Variants in CCNY observed in about 807,000 individuals in gnomAD.
CCNY encodes cyclin-Y.
Under a neutral mutation model 42.8 loss-of-function variants are expected in CCNY, and 19 were observed. The observed-to-expected ratio is 0.44, with a 90% CI of 0.31 to 0.65. The LOEUF is 0.65. CCNY is among the 30% of genes least tolerant of loss of function. The pLI is 0.07. For synonymous variants in CCNY, 165 were observed against 162.7 expected (o/e 1.01, Z -0.11); for missense variants, 370 against 437.3 (o/e 0.85, Z 1.37).
At chr10:35,381,098 T>C (rs1837173531) in intron 1 of CCNY, among the ~76,000 whole-genome samples, 1 of 152,204 alleles carries the variant, frequency 6.6e-6, no homozygotes, top group South Asian at 2.1e-4. Flanking sequence ...CATCCAGAAG[T>C]CTGCCTGTAA....
At chr10:35,442,800 T>G (rs932229643) in intron 1 of CCNY, among the ~76,000 whole-genome samples, 1 of 152,208 alleles carries the variant, frequency 6.6e-6, no homozygotes, top group African/African-American at 2.4e-5. Flanking sequence ...ATGAAGGTGG[T>G]ATGTTCTAAG....
At chr10:35,333,892 G>T (rs1201087304), upstream of CCNY, among the ~76,000 whole-genome samples, 1 of 152,088 alleles carries the variant, frequency 6.6e-6, no homozygotes, top group Non-Finnish European at 1.5e-5. Flanking sequence ...AGTTGTGGGG[G>T]TCGGCACCCA....
At chr10:35,506,709 A>G (rs1428398194) in intron 3 of CCNY, among the ~76,000 whole-genome samples, 1 of 152,108 alleles carries the variant, frequency 6.6e-6, no homozygotes, top group African/African-American at 2.4e-5. Flanking sequence ...TTTGAAAGCT[A>G]CATTGTCCTT....
At chr10:35,377,737 AAAT>A in intron 1 of CCNY, among the ~76,000 whole-genome samples, 1 of 152,370 alleles carries the variant, frequency 6.6e-6, no homozygotes, top group South Asian at 2.1e-4. Flanking sequence ...CTAATTTAAA[AAAT>A]AACATTATAA....
At chr10:35,557,995 A>G (rs1277188955) in intron 8 of CCNY, among the ~76,000 whole-genome samples, 1 of 152,114 alleles carries the variant, frequency 6.6e-6, no homozygotes, top group African/African-American at 2.4e-5. Context: ...GTTTTATTAT[A>G]GTAGTGTCAC....
chr10:35,401,481 C>G (rs1207799223), intron 1 of CCNY, among the ~76,000 whole-genome samples: 2 of 151,616 alleles, frequency 1.3e-5, no homozygotes, highest in Admixed American at 1.3e-4. Flanking sequence ...GGAGAGAGAT[C>G]AATTCTAAAT....
At chr10:35,535,865 A>G (rs1304108662) in intron 7 of CCNY, among the ~76,000 whole-genome samples, 1 of 152,166 alleles carries the variant, frequency 6.6e-6, no homozygotes, top group Non-Finnish European at 1.5e-5. Flanking sequence ...ACATTTTAGT[A>G]TCTGCAGGGG....
At chr10:35,476,143 G>T (rs575262757) in intron 1 of CCNY, among the ~76,000 whole-genome samples, 3 of 152,096 alleles carry the variant, frequency 2.0e-5, no homozygotes, top group Admixed American at 2.0e-4. Flanking sequence ...AGCAAGTCCT[G>T]AGTGACCTAC....
intron 1 of CCNY, among the ~76,000 whole-genome samples, chr10:35,468,042 ATAT>A (rs1256397923): frequency 6.6e-6 from 1 of 152,214 alleles, no homozygotes; most frequent in African/African-American, 2.4e-5. Context: ...CTATAACAAA[ATAT>A]TATAGACTGA....
intron 1 of CCNY, among the ~76,000 whole-genome samples, chr10:35,447,149 C>A (rs868112736): frequency 6.6e-6 from 1 of 152,104 alleles, no homozygotes; most frequent in African/African-American, 2.4e-5. Flanking sequence ...TGGTGGCGGG[C>A]GCCTGTAGTC....
intron 7 of CCNY, among the ~76,000 whole-genome samples, chr10:35,547,336 A>G (rs1841137445): frequency 6.6e-6 from 1 of 152,166 alleles, no homozygotes. Flanking sequence ...TCTTTTTTCC[A>G]CCAACAGTTG....
At chr10:35,414,785 CTT>C (rs1837989949) in intron 1 of CCNY, among the ~76,000 whole-genome samples, 1 of 152,182 alleles carries the variant, frequency 6.6e-6, no homozygotes, top group East Asian at 1.9e-4. Flanking sequence ...GTGAACTGGT[CTT>C]TGAAGTGGTA....
At chr10:35,279,014 T>TG (rs1286020665) in intron 3 of CCNY, among the ~76,000 whole-genome samples, 1 of 151,816 alleles carries the variant, frequency 6.6e-6, no homozygotes, top group Non-Finnish European at 1.5e-5. Context: ...CACCCTCTGT[T>TG]GGGGGCTCAG....
At chr10:35,303,953 C>T (rs567735485) in intron 3 of CCNY, among the ~76,000 whole-genome samples, 1 of 152,200 alleles carries the variant, frequency 6.6e-6, no homozygotes, top group South Asian at 2.1e-4. Flanking sequence ...ACACTAAGAT[C>T]CACCACTCTT....
intron 3 of CCNY, among the ~76,000 whole-genome samples, chr10:35,277,730 T>A (rs1835255157): frequency 6.6e-6 from 1 of 152,124 alleles, no homozygotes; most frequent in Non-Finnish European, 1.5e-5. Flanking sequence ...AATTCTTTTT[T>A]TTTTTTCCAA....
chr10:35,534,954 TAC>T lies in CCNY; in HGVS notation c.579+4731_579+4732del, dbSNP rs58564724. Among the ~76,000 whole-genome samples the T allele has an allele frequency of 4.3e-3, 599 of 139,228 alleles. 5 individuals carry two copies. The highest frequency in any genetic ancestry group is 0.013 in the African/African-American group (488 of 37,156). 91.3% of individuals were successfully genotyped at this position (139,228 alleles called of 152,430 possible). ...TAATATTCCATTGAGTGGGGATACA[TAC>T]ACACACACACACACACACATATATA... On this transcript the variant is annotated intron_variant, in intron 7 of 9. Transcript: ENST00000374704.
rs549121919 is a variant in CCNY at position 35,343,029 on chromosome 10, G to A, written c.154+5822G>A. On this transcript the variant is annotated intron_variant, in intron 1 of 9. Coordinates refer to ENST00000374704, the MANE Select transcript of CCNY (RefSeq NM_145012.6). Reference sequence around the variant, plus strand: ...TTTTTTTTTTTTTTTTTAAGACAGGGTTTTACTCTCTCGCCCTGGCTGGAG... The same window carrying A: ...TTTTTTTTTTTTTTTTTAAGACAGGATTTTACTCTCTCGCCCTGGCTGGAG... 2.8e-5 allele frequency among the ~76,000 whole-genome samples: 4 copies of A among 144,322 alleles called. No individual in the cohort carries two copies. In the South Asian group the frequency reaches 6.6e-4, roughly 24 times the overall value. The allele number at this position is 144,322 out of a possible 152,430, so 94.7% of individuals were successfully genotyped here. A position where few individuals can be genotyped will look rare whatever the true frequency, so the allele number is the denominator to read the frequency against.
chr10:35,259,954 C>T (rs1340092815), intron 3 of CCNY, among the ~76,000 whole-genome samples: 2 of 151,408 alleles, frequency 1.3e-5, no homozygotes, highest in Non-Finnish European at 2.9e-5. Context: ...ACTTGCTCTT[C>T]AAACTCTTAC....
At position 35,344,964 on chromosome 10, in the gene CCNY, G is replaced by A. The variant is rs562853986; in HGVS notation, c.154+7757G>A. On this transcript the variant is annotated intron_variant, in intron 1 of 9. Coordinates refer to ENST00000374704, the MANE Select transcript of CCNY (RefSeq NM_145012.6). Reference sequence around the variant, plus strand: ...TGTATACGTGCCACATCTTCTTAATGCAGTCTATCATTGTTGGACATTTGG... The same window carrying A: ...TGTATACGTGCCACATCTTCTTAATACAGTCTATCATTGTTGGACATTTGG... Among the ~76,000 whole-genome samples, 6 of 152,224 alleles carry A rather than the reference G, an allele frequency of 3.9e-5. No homozygotes were observed. The South Asian group carries it at 1.2e-3, about 32-fold the overall frequency.
Sources: allele counts gnomAD v4.1 joint callset (sites outside exome capture counted in the v4.1 genomes callset), GRCh38; gene constraint gnomAD v4.1.1; transcripts MANE v1.5; gene names NCBI Gene and HGNC (gene_info 2026-07-23, HGNC 2026-07-21).